Variants in CCNT2 observed in about 807,000 individuals in gnomAD.
The protein encoded by CCNT2 is cyclin-T2.
In CCNT2, 18 loss-of-function variants were observed where a neutral mutation model predicts 70.0. The ratio of observed to expected loss-of-function variants is 0.26; its 90% CI spans 0.18 to 0.38. The LOEUF (loss-of-function observed/expected upper bound fraction) is 0.38. Ranked by LOEUF, CCNT2 falls within the 10% of genes least tolerant of loss-of-function variation. The pLI is 1.00. For synonymous variants in CCNT2, 334 were observed against 313.3 expected, an observed-to-expected ratio of 1.07 and a Z score of -0.70; for missense variants, 734 against 890.2, an observed-to-expected ratio of 0.82 and a Z score of 2.23.
rs1228693512 is a variant in CCNT2 at position 134,953,570 on chromosome 2, T to C, written c.1115T>C (p.Leu372Ser). Residue 372 changes from leucine (L) to serine (S), a missense_variant, in exon 9 of 9, where the codon TTG becomes TCG. Physicochemically the swap from Leu to Ser is moderately radical, Grantham distance 145 (BLOSUM62 -2). Coordinates refer to ENST00000264157, the MANE Select transcript of CCNT2 (RefSeq NM_058241.3). ...QLYSQKQETSLSGSQYNINFQ... is the reference protein window; with the variant it reads ...QLYSQKQETSSSGSQYNINFQ... ...TATTCACAGAAACAGGAGACATCTTTGTCTGGTAGCCAGTACAACATCAAC... is the reference window on the plus strand; with the variant it reads ...TATTCACAGAAACAGGAGACATCTTCGTCTGGTAGCCAGTACAACATCAAC... The C allele has an allele frequency of 6.2e-7, 1 of 1,614,186 alleles. No homozygotes were observed. The highest frequency in any genetic ancestry group is 1.7e-5 in the Admixed American group (1 of 60,028).
intron 2 of CCNT2, among the ~76,000 whole-genome samples, chr2:134,933,506 A>G (rs781347137): frequency 2.0e-4 from 31 of 152,130 alleles, no homozygotes; most frequent in Non-Finnish European, 4.0e-4. Flanking sequence ...AAAAATGGAG[A>G]AGGAAGGGAG....
chr2:134,944,111 A>G, intron 5 of CCNT2: 1 of 984,228 alleles, frequency 1.0e-6, no homozygotes, highest in Non-Finnish European at 1.2e-6. Context: ...TGTAAGCTAG[A>G]ACATATTTAA....
intron 7 of CCNT2, among the ~76,000 whole-genome samples, chr2:134,949,177 C>T (rs908687899): frequency 4.6e-5 from 7 of 152,126 alleles, no homozygotes; most frequent in South Asian, 2.1e-4. Context: ...CATGCCACCA[C>T]GCCCAGCTAA....
chr2:134,947,672 T>C (rs1682100862), intron 6 of CCNT2, 64 bp from the exon 7 acceptor site: 1 of 1,254,122 alleles, frequency 8.0e-7, no homozygotes, highest in South Asian at 2.6e-5. Context: ...CTGGTAAATG[T>C]TTTTCTTTGT....
chr2:134,939,022 A>G lies in CCNT2; in HGVS notation c.390A>G (p.Gln130=). 1 of 1,610,636 alleles carries G rather than the reference A, an allele frequency of 6.2e-7. No homozygotes were observed. The highest frequency in any genetic ancestry group is 8.5e-7 in the Non-Finnish European group (1 of 1,177,308). ...GACAGGCTTACCTTCAACAGACTCA[A>G]GAACTGGTTATACTTGAAACCATAA... ...TKCDAYLQQT[Q]ELVILETIML... The change falls in exon 4 of 9, where the codon CAA becomes CAG. Residue 130 remains glutamine (Q), a synonymous_variant. Transcript: ENST00000264157.
At chr2:134,943,394 C>A in intron 5 of CCNT2, 1 of 970,574 alleles carries the variant, frequency 1.0e-6, no homozygotes, top group Non-Finnish European at 1.2e-6. Flanking sequence ...AGAGTGAGAC[C>A]CTATCTCAAA....
intron 7 of CCNT2, among the ~76,000 whole-genome samples, chr2:134,949,366 A>G (rs1416681541): frequency 2.6e-5 from 4 of 152,186 alleles, no homozygotes; most frequent in African/African-American, 7.2e-5. Flanking sequence ...CAACTATACA[A>G]CTATACCATT....
rs1231065450 is a variant in CCNT2, at chr2:134,944,609, TTTG to T, written c.494-1483_494-1481del. The T allele has an allele frequency of 1.2e-5, 12 of 978,710 alleles. No homozygotes were observed. In the African/African-American group the frequency reaches 1.9e-4, roughly 16 times the overall value. The allele number at this position is 978,710 out of a possible 1,614,324, so 60.6% of individuals were successfully genotyped here. A position where few individuals can be genotyped will look rare whatever the true frequency, so the allele number is the denominator to read the frequency against. ...CAAAACAAATATTTAGACCAGATTA[TTTG>T]TTGTTGTTAATGTTAAAATGTGACT... is the stretch of plus-strand genomic sequence containing the variant. On this transcript the variant is annotated intron_variant, in intron 5 of 8. Coordinates refer to ENST00000264157, the MANE Select transcript of CCNT2 (RefSeq NM_058241.3).
In CCNT2 at chr2:134,952,727, G is replaced by C. The variant is rs780095204; in HGVS notation, c.774+16G>C. ...AAACTGGAGGGTAAGAGAATTGACA[G>C]GGTTTAACAGAATTTCAGTCTTTTA... On this transcript the variant is annotated intron_variant, in intron 8 of 8. Transcript: ENST00000264157. 6.3e-7 allele frequency: 1 copy of C among 1,579,306 alleles called. No homozygotes were observed. Among genetic ancestry groups the C allele is most frequent in the South Asian group, 1.1e-5 (1 of 89,520 alleles).
In CCNT2 at chr2:134,958,538, A is replaced by G. The variant is rs565720229; in HGVS notation, c.*3890A>G. The G allele has an allele frequency of 6.6e-6, 1 of 152,348 alleles. No homozygotes were observed. The highest frequency in any genetic ancestry group is 6.5e-5 in the Admixed American group (1 of 15,302). The allele number at this position is 152,348 out of a possible 1,614,324, so 9.4% of individuals were successfully genotyped here. On this transcript the variant is annotated 3_prime_UTR_variant, in exon 9 of 9. Transcript: ENST00000264157. ...GATTTTTGCATTGGAAAAGCAGCACATTCTCTGACCTTGGGTACCAAGCTA... is the reference window on the plus strand; with the variant it reads ...GATTTTTGCATTGGAAAAGCAGCACGTTCTCTGACCTTGGGTACCAAGCTA...
At chr2:134,946,020 G>A (rs1265921065) in intron 5 of CCNT2, 81 bp from the exon 6 acceptor site, 4 of 1,607,282 alleles carry the variant, frequency 2.5e-6, no homozygotes, top group Non-Finnish European at 3.4e-6. Flanking sequence ...AATCTTTGAA[G>A]TTTTTGTTGT....
rs1682717407 is a variant in CCNT2 at position 134,953,816 on chromosome 2, A to G, written c.1361A>G (p.Asp454Gly). ...GAAACTCTTGATCTCGATGTAAGGG[A>G]TCATTATATAGCTGCCCAGGTAGAA... ...KLETLDLDVR[D>G]HYIAAQVEQQ... is the part of the protein sequence containing the mutation. Residue 454 changes from aspartate to glycine, a missense_variant, in exon 9 of 9, where the codon GAT becomes GGT. Physicochemically the swap from Asp to Gly is moderately conservative, Grantham distance 94. Around this residue, in one of 3 missense-constraint regions of CCNT2, gnomAD observed 532 missense variants for 556.9 expected, o/e 0.96. Coordinates refer to ENST00000264157, the MANE Select transcript of CCNT2 (RefSeq NM_058241.3). The G allele has an allele frequency of 1.9e-6, 3 of 1,613,982 alleles. No individual in the cohort carries two copies. The highest frequency in any genetic ancestry group is 2.5e-6 in the Non-Finnish European group (3 of 1,179,966).
intron 2 of CCNT2, among the ~76,000 whole-genome samples, chr2:134,931,260 A>ATCTTTTTTTTTTTT (rs1680735709): frequency 2.3e-5 from 1 of 42,946 alleles, no homozygotes; most frequent in Non-Finnish European, 4.0e-5. Flanking sequence ...CCATGCCCGG[A>ATCTTTTTTTTTTTT]TCTTTTTTTT....
At position 134,947,708 on chromosome 2, in the gene CCNT2, C is replaced by T. The variant is rs770227922; in HGVS notation, c.540-28C>T. ...TTTACATACTTGAATTTTTATGGCT[C>T]TCCATTTTCAAACCTGCTCTGCAAC... On this transcript the variant is annotated intron_variant, in intron 6 of 8. Transcript: ENST00000264157. 7 of 1,396,918 alleles carry T rather than the reference C, an allele frequency of 5.0e-6. No homozygotes were observed. In the African/African-American group the frequency reaches 5.8e-5, roughly 12 times the overall value. The allele number at this position is 1,396,918 out of a possible 1,614,324, so 86.5% of individuals were successfully genotyped here.
intron 2 of CCNT2, 147 bp downstream of exon 2, chr2:134,920,038 G>T (rs1679771905): frequency 1.9e-6 from 1 of 540,204 alleles, no homozygotes; most frequent in Non-Finnish European, 3.3e-6. Flanking sequence ...CTTCAGATGC[G>T]GTGTTTTTGT....
chr2:134,919,214 C>G (rs1679651945), intron 1 of CCNT2, among the ~76,000 whole-genome samples: 1 of 152,174 alleles, frequency 6.6e-6, no homozygotes, highest in African/African-American at 2.4e-5. Context: ...GAATGCGGGC[C>G]AGGAGCCTGC....
intron 2 of CCNT2, among the ~76,000 whole-genome samples, chr2:134,929,735 C>T (rs1680597674): frequency 1.3e-5 from 2 of 150,334 alleles, no homozygotes; most frequent in Admixed American, 1.3e-4. Flanking sequence ...CTCCAGCCTC[C>T]ACCTCCTGGG....
At chr2:134,926,827 C>T (rs1439574860) in intron 2 of CCNT2, among the ~76,000 whole-genome samples, 1 of 152,160 alleles carries the variant, frequency 6.6e-6, no homozygotes, top group Non-Finnish European at 1.5e-5. Flanking sequence ...GTTTTGCTAT[C>T]TTGTTGCTCT....
chr2:134,936,100 ACT>A (rs745534963), intron 2 of CCNT2, among the ~76,000 whole-genome samples: 29 of 148,178 alleles, frequency 2.0e-4, no homozygotes, highest in Non-Finnish European at 3.9e-4. Context: ...GAAAATGGTG[ACT>A]CTGTGCCTAG....
Sources: gnomAD v4.1 joint callset for allele counts (sites outside exome capture counted in the v4.1 genomes callset) on GRCh38, gnomAD v4.1.1 for gene constraint, gnomAD v4.1.1 regional missense constraint, MANE v1.5 for transcripts, NCBI Gene and HGNC (gene_info 2026-07-23, HGNC 2026-07-21) for gene names.